The following TCF4 variants were observed in gnomAD, a reference collection of about 807,000 sequenced individuals.
The protein encoded by TCF4 is SL3-3 enhancer factor 2.
TCF4 carries 3 observed loss-of-function variants against 82.1 expected under a neutral mutation model. That is an observed-to-expected ratio of 0.04 (90% CI 0.02 to 0.09). The LOEUF is 0.09. Ranked by LOEUF, TCF4 falls within the 10% of genes least tolerant of loss-of-function variation. The pLI, the probability that TCF4 is intolerant of heterozygous loss-of-function variation, is 1.00. For missense variants in TCF4, 518 were observed against 852.7 expected, an observed-to-expected ratio of 0.61 and a Z score of 4.89; for synonymous variants, 276 against 309.6, an observed-to-expected ratio of 0.89 and a Z score of 1.14.
chr18:55,422,251 A>T, intron 5 of TCF4: 2 of 985,278 alleles, frequency 2.0e-6, no homozygotes, highest in Non-Finnish European at 2.4e-6. Flanking sequence ...CGTGATGAAG[A>T]GTCGCCAAAA....
At chr18:55,489,741 C>T (rs2096556212) in intron 3 of TCF4, among the ~76,000 whole-genome samples, 1 of 152,260 alleles carries the variant, frequency 6.6e-6, no homozygotes, top group African/African-American at 2.4e-5. Context: ...CCTAGAAATC[C>T]TCAACGTTGC....
chr18:55,362,843 C>A (rs1660233), intron 6 of TCF4, among the ~76,000 whole-genome samples: 1 of 151,956 alleles, frequency 6.6e-6, no homozygotes, highest in East Asian at 1.9e-4. Context: ...ATTCAGCATA[C>A]GACACTGACT....
chr18:55,587,929 G>T lies in TCF4; in HGVS notation c.-21+109C>A, dbSNP rs1015708694. 1.0e-5 allele frequency: 8 copies of T among 789,228 alleles called. No individual in the cohort carries two copies. The African/African-American group carries it at 1.1e-4, about 11-fold the overall frequency. The allele number at this position is 789,228 out of a possible 1,614,324, so 48.9% of individuals were successfully genotyped here. ...GTCTCTTCTGGGAGCGCCGGGCGCC[G>T]GGAGCCCGCGGCGCGGGAGGCGCGG... On this transcript the variant is annotated intron_variant, in intron 1 of 19. Transcript: ENST00000354452.
intron 15 of TCF4, among the ~76,000 whole-genome samples, chr18:55,242,105 C>T (rs1024307038): frequency 1.3e-5 from 2 of 152,194 alleles, no homozygotes; most frequent in Non-Finnish European, 2.9e-5. Context: ...TCACCAACTG[C>T]TTCTCTTTTA....
At chr18:55,394,040 G>A (rs781559507) in intron 6 of TCF4, among the ~76,000 whole-genome samples, 285 of 152,330 alleles carry the variant, frequency 1.9e-3, no homozygotes, top group Non-Finnish European at 3.4e-3. Flanking sequence ...GCAGCTGTTT[G>A]CAGGGGGCTG....
chr18:55,593,139 C>T (rs536481724), upstream of TCF4, among the ~76,000 whole-genome samples: 1 of 152,278 alleles, frequency 6.6e-6, no homozygotes, highest in Non-Finnish European at 1.5e-5. Flanking sequence ...GCTTCACTCA[C>T]ACATGATAGA....
intron 6 of TCF4, among the ~76,000 whole-genome samples, chr18:55,382,989 T>C (rs1463865319): frequency 6.6e-6 from 1 of 152,224 alleles, no homozygotes; most frequent in African/African-American, 2.4e-5. Flanking sequence ...GGATTTGAGT[T>C]AGGACAAGAA....
At chr18:55,297,509 C>T (rs962675347) in intron 8 of TCF4, among the ~76,000 whole-genome samples, 3 of 152,072 alleles carry the variant, frequency 2.0e-5, no homozygotes, top group Non-Finnish European at 4.4e-5. Flanking sequence ...CTGTAACGTG[C>T]TGTCAGGGCT....
At chr18:55,402,423 AT>A (rs957876472) in intron 6 of TCF4, among the ~76,000 whole-genome samples, 56 of 151,986 alleles carry the variant, frequency 3.7e-4, no homozygotes, top group African/African-American at 9.2e-4. Flanking sequence ...ATTAAAATAG[AT>A]TTTTTTCCCC....
chr18:55,594,311 A>G (rs2097688676), intron 2 of TCF4, among the ~76,000 whole-genome samples: 1 of 152,186 alleles, frequency 6.6e-6, no homozygotes, highest in South Asian at 2.1e-4. Context: ...GCTTAGGGCC[A>G]CTGTGCCCAA....
At chr18:55,522,972 GT>G (rs1259284709) in intron 3 of TCF4, among the ~76,000 whole-genome samples, 1 of 151,954 alleles carries the variant, frequency 6.6e-6, no homozygotes, top group African/African-American at 2.4e-5. Context: ...GACACTAAGA[GT>G]ATAAGAAATT....
At chr18:55,401,488 C>G in intron 6 of TCF4, 2 of 992,526 alleles carry the variant, frequency 2.0e-6, no homozygotes, top group African/African-American at 1.7e-5. Flanking sequence ...ACATTAATGC[C>G]TCAAAACGAA....
At chr18:55,559,528 C>G (rs545809988) in intron 3 of TCF4, among the ~76,000 whole-genome samples, 23 of 151,736 alleles carry the variant, frequency 1.5e-4, no homozygotes, top group African/African-American at 5.6e-4. Context: ...AAACTAGGAC[C>G]TATAAAATTA....
At chr18:55,319,694 T>C (rs996811030) in intron 8 of TCF4, among the ~76,000 whole-genome samples, 4 of 151,020 alleles carry the variant, frequency 2.6e-5, no homozygotes, top group Non-Finnish European at 4.4e-5. Flanking sequence ...AAAAAAAAAA[T>C]CTAACAACCA....
intron 17 of TCF4, chr18:55,232,182 A>C: frequency 3.9e-6 from 1 of 257,644 alleles, no homozygotes. Flanking sequence ...ATCTCTTTTT[A>C]GAAATATTAT....
At chr18:55,438,562 C>A (rs559941940) in intron 5 of TCF4, among the ~76,000 whole-genome samples, 11 of 152,318 alleles carry the variant, frequency 7.2e-5, no homozygotes, top group African/African-American at 1.9e-4. Flanking sequence ...GACACCTGAA[C>A]ATGGAACATT....
chr18:55,420,347 C>T (rs1158578817), intron 5 of TCF4, among the ~76,000 whole-genome samples: 3 of 152,192 alleles, frequency 2.0e-5, no homozygotes, highest in African/African-American at 7.2e-5. Flanking sequence ...AACTTGTCAA[C>T]ACAGCATGAT....
At chr18:55,463,300 C>T (rs1186409864) in intron 4 of TCF4, among the ~76,000 whole-genome samples, 1 of 152,156 alleles carries the variant, frequency 6.6e-6, no homozygotes, top group Non-Finnish European at 1.5e-5. Flanking sequence ...GGATCTACTT[C>T]CTCATTTTGC....
chr18:55,556,246 T>A (rs191622290), intron 3 of TCF4, among the ~76,000 whole-genome samples: 98 of 152,290 alleles, frequency 6.4e-4, no homozygotes, highest in African/African-American at 2.2e-3. Context: ...CACAATGCTC[T>A]GTATCTCACA....
Sources: gnomAD v4.1 joint callset for allele counts (sites outside exome capture counted in the v4.1 genomes callset) on GRCh38, gnomAD v4.1.1 for gene constraint, MANE v1.5 for transcripts, NCBI Gene and HGNC (gene_info 2026-07-23, HGNC 2026-07-21) for gene names.